EDA: variants seen among roughly 807,000 people sequenced by gnomAD.
The protein encoded by EDA is ectodysplasin A, also known as ectodysplasin-A.
A neutral mutation model predicts 23.6 loss-of-function variants in EDA; 2 were observed. The ratio of observed to expected loss-of-function variants is 0.08; its 90% CI spans 0.03 to 0.27. The LOEUF is 0.27. Ranked by LOEUF, EDA falls within the 10% of genes least tolerant of loss-of-function variation. EDA has a pLI of 1.00. For missense variants in EDA, 229 were observed against 324.2 expected, an observed-to-expected ratio of 0.71 and a Z score of 2.26; for synonymous variants, 131 against 132.0, an observed-to-expected ratio of 0.99 and a Z score of 0.05.
In EDA at chrX:69,833,805, T is replaced by G. The variant is rs1212731586; in HGVS notation, c.397-123222T>G. On this transcript the variant is annotated intron_variant, in intron 1 of 7. Coordinates refer to ENST00000374552, the MANE Select transcript of EDA (RefSeq NM_001399.5). ...TCTGTCCTGGAATTCATCCATTTCT[T>G]TCTTTATATATATATACTTTAAGTT... is the stretch of plus-strand genomic sequence containing the variant. Among the ~76,000 whole-genome samples, 75 of 111,443 alleles carry G rather than the reference T, an allele frequency of 6.7e-4. 1 individual carries two copies. The highest frequency in any genetic ancestry group is 1.3e-4 in the Non-Finnish European group (7 of 53,108).
At chrX:69,892,284 G>A (rs1245630005) in intron 1 of EDA, among the ~76,000 whole-genome samples, 4 of 111,986 alleles carry the variant, frequency 3.6e-5, no homozygotes, top group Non-Finnish European at 7.5e-5. Flanking sequence ...AATATTACAT[G>A]CTCTTTCAGC....
At chrX:69,784,130 A>T (rs1404115755) in intron 1 of EDA, among the ~76,000 whole-genome samples, 2 of 91,834 alleles carry the variant, frequency 2.2e-5, no homozygotes, top group Non-Finnish European at 4.5e-5. Context: ...CCACTTTTTG[A>T]TGGGGTTGTT....
At chrX:69,641,793 A>G (rs1932842262) in intron 1 of EDA, among the ~76,000 whole-genome samples, 1 of 111,539 alleles carries the variant, frequency 9.0e-6, no homozygotes, top group South Asian at 3.7e-4. Flanking sequence ...GGTACATTCT[A>G]TTTAGACTAT....
chrX:69,629,445 T>C (rs1227036928), intron 1 of EDA, among the ~76,000 whole-genome samples: 1 of 112,344 alleles, frequency 8.9e-6, no homozygotes, highest in African/African-American at 3.2e-5. Flanking sequence ...AGAGACTGAG[T>C]GTTACATTCC....
At chrX:69,808,743 G>A in intron 1 of EDA, among the ~76,000 whole-genome samples, 1 of 112,110 alleles carries the variant, frequency 8.9e-6, no homozygotes, top group Middle Eastern at 4.6e-3. Flanking sequence ...AAGACAAACT[G>A]CAACTGAGAG....
intron 1 of EDA, among the ~76,000 whole-genome samples, chrX:69,780,800 G>T (rs1301469421): frequency 1.8e-5 from 2 of 109,927 alleles, no homozygotes; most frequent in Non-Finnish European, 3.8e-5. Context: ...GTTTCCTGAG[G>T]CCTCCCTAGC....
chrX:69,634,787 A>G (rs1284766805), intron 1 of EDA, among the ~76,000 whole-genome samples: 1 of 112,082 alleles, frequency 8.9e-6, no homozygotes, highest in East Asian at 2.8e-4. Flanking sequence ...GTTTCTGTCA[A>G]TGATGAAGCA....
chrX:69,689,705 G>T (rs1934652921), intron 1 of EDA, among the ~76,000 whole-genome samples: 1 of 111,131 alleles, frequency 9.0e-6, no homozygotes, highest in African/African-American at 3.3e-5. Flanking sequence ...TGAATTTTAA[G>T]ATCAGCCTGT....
intron 1 of EDA, among the ~76,000 whole-genome samples, chrX:69,859,732 A>C (rs899846620): frequency 9.0e-6 from 1 of 111,548 alleles, no homozygotes; most frequent in East Asian, 2.8e-4. Context: ...GTGGATATCT[A>C]TCAGGTTCAT....
At chrX:69,826,908 C>A (rs2016456248) in intron 1 of EDA, among the ~76,000 whole-genome samples, 1 of 112,438 alleles carries the variant, frequency 8.9e-6, no homozygotes, top group African/African-American at 3.2e-5. Context: ...GTGACAAAAT[C>A]TCTCAGCATT....
intron 1 of EDA, among the ~76,000 whole-genome samples, chrX:69,828,863 G>A (rs1343040267): frequency 8.9e-6 from 1 of 112,459 alleles, no homozygotes; most frequent in African/African-American, 3.2e-5. Flanking sequence ...TCAAGTGACA[G>A]CTAGTGTACC....
At chrX:69,820,966 G>A (rs897615584) in intron 1 of EDA, among the ~76,000 whole-genome samples, 1 of 110,979 alleles carries the variant, frequency 9.0e-6, no homozygotes, top group Non-Finnish European at 1.9e-5. Context: ...ATTCAGAACA[G>A]CTAAGACATG....
At chrX:69,793,578 T>TTTG (rs1569334938) in intron 1 of EDA, among the ~76,000 whole-genome samples, 1 of 101,967 alleles carries the variant, frequency 9.8e-6, no homozygotes, top group Non-Finnish European at 2.0e-5. Context: ...TTGTTTTTTT[T>TTTG]TTTTTTTTTT....
At chrX:69,730,204 G>T (rs1296558779) in intron 1 of EDA, among the ~76,000 whole-genome samples, 1 of 110,905 alleles carries the variant, frequency 9.0e-6, no homozygotes, top group African/African-American at 3.3e-5. Context: ...TGAATGAGAG[G>T]GTCTTTGAGG....
chrX:69,818,593 A>G (rs1294624051), intron 1 of EDA, among the ~76,000 whole-genome samples: 2 of 111,926 alleles, frequency 1.8e-5, no homozygotes, highest in Admixed American at 9.5e-5. Flanking sequence ...GAACACCTCT[A>G]TGCACATAAA....
At chrX:69,654,959 TAAAAA>T (rs1347005869) in intron 1 of EDA, among the ~76,000 whole-genome samples, 1 of 102,709 alleles carries the variant, frequency 9.7e-6, no homozygotes, top group African/African-American at 3.5e-5. Context: ...ACAATACAAT[TAAAAA>T]AAAAACAAAA....
intron 1 of EDA, among the ~76,000 whole-genome samples, chrX:69,830,345 G>A (rs2016577725): frequency 1.8e-5 from 2 of 111,539 alleles, no homozygotes; most frequent in African/African-American, 6.5e-5. Flanking sequence ...TTAGTCCTTT[G>A]AAACACACAA....
chrX:69,951,563 C>G (rs774496497), intron 1 of EDA, among the ~76,000 whole-genome samples: 7 of 111,297 alleles, frequency 6.3e-5, no homozygotes, highest in Non-Finnish European at 1.3e-4. Flanking sequence ...CCTAAAGAGG[C>G]TTATGAGTAA....
chrX:69,752,420 A>G (rs937156432), intron 1 of EDA, among the ~76,000 whole-genome samples: 2 of 111,658 alleles, frequency 1.8e-5, no homozygotes, highest in Non-Finnish European at 3.8e-5. Context: ...CATCCCAGGG[A>G]TGAAGCCAGC....
Sources: allele counts gnomAD v4.1 joint callset (sites outside exome capture counted in the v4.1 genomes callset), GRCh38; gene constraint gnomAD v4.1.1; transcripts MANE v1.5; gene names NCBI Gene and HGNC (gene_info 2026-07-23, HGNC 2026-07-21).